FRMD6: variants seen among roughly 807,000 people sequenced by gnomAD.
The protein encoded by FRMD6 is FERM domain containing 6.
A neutral mutation model predicts 73.2 loss-of-function variants in FRMD6; 37 were observed. The observed-to-expected ratio is 0.51, with a 90% CI of 0.39 to 0.66. The LOEUF (loss-of-function observed/expected upper bound fraction) is 0.66, where lower values mean the gene tolerates loss of function less well. Ranked by LOEUF, FRMD6 falls within the 30% of genes least tolerant of loss-of-function variation. The pLI is 0.00. For synonymous variants in FRMD6, 273 were observed against 282.2 expected (o/e 0.97, Z 0.33); for missense variants, 714 against 780.5 (o/e 0.91, Z 1.02).
chr14:51,570,945 G>A (rs1339941315), intron 2 of FRMD6, among the ~76,000 whole-genome samples: 1 of 152,204 alleles, frequency 6.6e-6, no homozygotes, highest in Non-Finnish European at 1.5e-5. Context: ...AAAACGATGT[G>A]TTTGGTAGAA....
At chr14:51,421,909 G>A in the FRMD6 span, among the ~76,000 whole-genome samples, 1 of 152,178 alleles carries the variant, frequency 6.6e-6, no homozygotes, top group Non-Finnish European at 1.5e-5. Context: ...CACCATCTGT[G>A]TAAAGCTTCT....
the FRMD6 span, among the ~76,000 whole-genome samples, chr14:51,421,499 C>G: frequency 6.6e-6 from 1 of 152,110 alleles, no homozygotes; most frequent in East Asian, 1.9e-4. Context: ...TTAGGCTTGA[C>G]AATTGTGTCT....
chr14:51,471,702 A>C, the FRMD6 span, among the ~76,000 whole-genome samples: 1 of 152,226 alleles, frequency 6.6e-6, no homozygotes, highest in African/African-American at 2.4e-5. Flanking sequence ...CAATAACAAC[A>C]AAGTAAACAA....
chr14:51,620,964 C>T (rs780028387), intron 2 of FRMD6, among the ~76,000 whole-genome samples: 2 of 152,184 alleles, frequency 1.3e-5, no homozygotes, highest in African/African-American at 4.8e-5. Context: ...CAGGGAGAAG[C>T]ATCCAGGCCA....
At chr14:51,631,578 C>T (rs80037346) in intron 2 of FRMD6, among the ~76,000 whole-genome samples, 46 of 152,292 alleles carry the variant, frequency 3.0e-4, no homozygotes, top group African/African-American at 1.1e-3. Context: ...GGTGCAAATA[C>T]GAATAATATG....
intron 2 of FRMD6, among the ~76,000 whole-genome samples, chr14:51,619,356 G>A (rs1301316829): frequency 6.6e-6 from 1 of 150,960 alleles, no homozygotes; most frequent in Middle Eastern, 3.2e-3. Context: ...TGGGCTTTAA[G>A]GTATGCAAGA....
the FRMD6 span, among the ~76,000 whole-genome samples, chr14:51,479,438 A>C: frequency 2.0e-5 from 3 of 152,236 alleles, no homozygotes; most frequent in Non-Finnish European, 2.9e-5. Context: ...TGTAGGAGGC[A>C]CAGGATAAAT....
chr14:51,585,818 T>C (rs1224043691), intron 2 of FRMD6, among the ~76,000 whole-genome samples: 1 of 151,218 alleles, frequency 6.6e-6, no homozygotes, highest in Non-Finnish European at 1.5e-5. Flanking sequence ...TATTTGACTT[T>C]CTGTTTCTGA....
the FRMD6 span, among the ~76,000 whole-genome samples, chr14:51,404,725 A>G: frequency 3.3e-5 from 5 of 152,194 alleles, no homozygotes; most frequent in South Asian, 2.1e-4. Flanking sequence ...CTGTTCTACC[A>G]CTGACTCACA....
chr14:51,563,370 G>A (rs913861751), intron 1 of FRMD6, among the ~76,000 whole-genome samples: 14 of 152,152 alleles, frequency 9.2e-5, no homozygotes, highest in African/African-American at 3.1e-4. Context: ...TAGAGCCATG[G>A]TAGAAAAAAG....
At chr14:51,547,592 C>A (rs1351516734) in intron 1 of FRMD6, 1 of 152,148 alleles carries the variant, frequency 6.6e-6, no homozygotes, top group Non-Finnish European at 1.5e-5. Context: ...GAGAGCCCTA[C>A]GACGCTTATT....
intron 1 of FRMD6, among the ~76,000 whole-genome samples, chr14:51,513,918 T>C (rs1884468624): frequency 6.6e-6 from 1 of 152,358 alleles, no homozygotes; most frequent in African/African-American, 2.4e-5. Context: ...TGTTGGAGCA[T>C]TGACCAACCA....
At chr14:51,550,473 A>G (rs530751008) in intron 1 of FRMD6, among the ~76,000 whole-genome samples, 1 of 152,288 alleles carries the variant, frequency 6.6e-6, no homozygotes, top group Non-Finnish European at 1.5e-5. Context: ...CTCTGACACT[A>G]GATGAAGATG....
chr14:51,520,630 C>T (rs1028477577), intron 1 of FRMD6, among the ~76,000 whole-genome samples: 8 of 152,162 alleles, frequency 5.3e-5, no homozygotes, highest in South Asian at 2.1e-4. Context: ...CTGGCGAGTA[C>T]GGTGGCTCAC....
chr14:51,419,080 C>G, the FRMD6 span, among the ~76,000 whole-genome samples: 1 of 152,200 alleles, frequency 6.6e-6, no homozygotes, highest in African/African-American at 2.4e-5. Flanking sequence ...CAGGTACCAT[C>G]TCTCATGGCT....
At chr14:51,437,096 A>C in the FRMD6 span, 3 of 345,060 alleles carry the variant, frequency 8.7e-6, no homozygotes, top group South Asian at 2.7e-5. Flanking sequence ...TCAACTCATC[A>C]TTTACATTAG....
At position 51,571,837 on chromosome 14, in the gene FRMD6, G is replaced by GATTAA. The variant is rs1188884207; in HGVS notation, c.-147+1429_-147+1433dup. Among the ~76,000 whole-genome samples the GATTAA allele has an allele frequency of 4.6e-5, 7 of 152,266 alleles. No homozygotes were observed. In the South Asian group the frequency reaches 1.2e-3, roughly 27 times the overall value. Reference sequence around the variant, plus strand: ...ACCTGGCTTAATAAATATTAGCCATGATTAAAGATTTTATTAATAGACTTA... The same window carrying GATTAA: ...ACCTGGCTTAATAAATATTAGCCATGATTAAATTAAAGATTTTATTAATAGACTTA... On this transcript the variant is annotated intron_variant, in intron 2 of 14. Transcript: ENST00000356218.
At chr14:51,721,152 G>T (rs978297275) in intron 11 of FRMD6, among the ~76,000 whole-genome samples, 3 of 152,202 alleles carry the variant, frequency 2.0e-5, no homozygotes, top group Non-Finnish European at 2.9e-5. Flanking sequence ...ACTGTCATCT[G>T]CCTGTGTCAG....
At chr14:51,490,361 G>A (rs1418839413) in intron 1 of FRMD6, among the ~76,000 whole-genome samples, 1 of 152,202 alleles carries the variant, frequency 6.6e-6, no homozygotes, top group Non-Finnish European at 1.5e-5. Flanking sequence ...TTGTGAGTGT[G>A]TGCTTGTGTT....
Sources: gnomAD v4.1 joint callset for allele counts (sites outside exome capture counted in the v4.1 genomes callset) on GRCh38, gnomAD v4.1.1 for gene constraint, MANE v1.5 for transcripts, NCBI Gene and HGNC (gene_info 2026-07-23, HGNC 2026-07-21) for gene names.